The following SGTB variants were observed in gnomAD, a reference collection of about 807,000 sequenced individuals.
SGTB encodes small glutamine rich tetratricopeptide repeat co-chaperone beta, also known as small glutamine-rich tetratricopeptide repeat-containing protein beta.
A neutral mutation model predicts 43.9 loss-of-function variants in SGTB; 19 were observed. The observed-to-expected ratio is 0.43, with a 90% CI of 0.30 to 0.63. SGTB has a LOEUF of 0.63. SGTB is among the 30% of genes least tolerant of loss of function. The pLI is 0.12. For synonymous variants in SGTB, 116 were observed against 117.3 expected, an observed-to-expected ratio of 0.99 and a Z score of 0.07; for missense variants, 304 against 358.9, an observed-to-expected ratio of 0.85 and a Z score of 1.24.
intron 4 of SGTB, among the ~76,000 whole-genome samples, chr5:65,705,267 A>ACC (rs397716523): frequency 0.037 from 5,643 of 151,454 alleles, 156 homozygotes; most frequent in Non-Finnish European, 0.061. Context: ...ATATAGTGGG[A>ACC]CCCCCCCTCA....
chr5:65,716,439 C>G (rs567718482), intron 2 of SGTB, among the ~76,000 whole-genome samples: 2 of 152,168 alleles, frequency 1.3e-5, no homozygotes, highest in Non-Finnish European at 2.9e-5. Flanking sequence ...AGCAGAGAGA[C>G]CAGTTAGAGG....
chr5:65,708,350 C>T, intron 4 of SGTB, 139 bp downstream of exon 4: 1 of 641,564 alleles, frequency 1.6e-6, no homozygotes, highest in Non-Finnish European at 2.6e-6. Context: ...CCATCACATT[C>T]ATTTCTGTTT....
chr5:65,702,686 G>C (rs1429128476), intron 5 of SGTB, among the ~76,000 whole-genome samples: 1 of 152,094 alleles, frequency 6.6e-6, no homozygotes, highest in African/African-American at 2.4e-5. Flanking sequence ...CCTTCCAAAG[G>C]TTCCACCTCC....
At chr5:65,697,488 G>C (rs1318595867) in intron 5 of SGTB, among the ~76,000 whole-genome samples, 1 of 152,084 alleles carries the variant, frequency 6.6e-6, no homozygotes, top group Admixed American at 6.6e-5. Context: ...ATTTGTATCT[G>C]GTTACAACAT....
intron 3 of SGTB, among the ~76,000 whole-genome samples, chr5:65,711,443 G>C (rs1304131454): frequency 1.3e-5 from 2 of 152,124 alleles, no homozygotes; most frequent in Non-Finnish European, 2.9e-5. Flanking sequence ...TAAGAACTGT[G>C]TCAAGCACAG....
intron 10 of SGTB, among the ~76,000 whole-genome samples, chr5:65,671,252 T>C (rs1757148471): frequency 6.6e-6 from 1 of 152,176 alleles, no homozygotes; most frequent in African/African-American, 2.4e-5. Flanking sequence ...TAGCTTTATA[T>C]ATATATGAGA....
intron 5 of SGTB, among the ~76,000 whole-genome samples, chr5:65,698,222 T>A (rs544664923): frequency 6.6e-6 from 1 of 152,280 alleles, no homozygotes; most frequent in South Asian, 2.1e-4. Context: ...CAGTTAAGAT[T>A]TATGCATTTT....
chr5:65,699,751 C>T (rs1757778378), intron 5 of SGTB, among the ~76,000 whole-genome samples: 1 of 152,202 alleles, frequency 6.6e-6, no homozygotes, highest in African/African-American at 2.4e-5. Context: ...AGCCACTGCA[C>T]CCAGCCAACT....
At chr5:65,675,150 C>A (rs988905279) in intron 8 of SGTB, among the ~76,000 whole-genome samples, 3 of 152,216 alleles carry the variant, frequency 2.0e-5, no homozygotes, top group Admixed American at 2.0e-4. Flanking sequence ...AAAGTTACCA[C>A]ATATTGGACC....
rs559830159 is a variant in SGTB, at chr5:65,707,644, A to G, written c.274+845T>C. ...GAGACGGGGTTTCACCGAGTTGGCCAGGATGGTCTTGATCTCCTGACCTTG... is the reference window on the plus strand; with the variant it reads ...GAGACGGGGTTTCACCGAGTTGGCCGGGATGGTCTTGATCTCCTGACCTTG... On this transcript the variant is annotated intron_variant, in intron 4 of 10. Transcript: ENST00000381007. Among the ~76,000 whole-genome samples the G allele has an allele frequency of 1.7e-3, 261 of 152,262 alleles. 1 individual carries two copies. Among genetic ancestry groups the G allele is most frequent in the Non-Finnish European group, 2.7e-3 (187 of 68,016 alleles).
At chr5:65,687,685 G>A (rs1757525661) in intron 5 of SGTB, among the ~76,000 whole-genome samples, 1 of 152,198 alleles carries the variant, frequency 6.6e-6, no homozygotes, top group African/African-American at 2.4e-5. Context: ...GCTTGAAGGA[G>A]AACAGTTCAG....
intron 2 of SGTB, among the ~76,000 whole-genome samples, chr5:65,715,838 T>G (rs185227731): frequency 2.2e-4 from 33 of 152,334 alleles, no homozygotes; most frequent in African/African-American, 6.5e-4. Context: ...GGCGTAATCT[T>G]GGCTCACTGT....
chr5:65,674,405 C>T (rs1757222917), intron 8 of SGTB, among the ~76,000 whole-genome samples: 3 of 152,152 alleles, frequency 2.0e-5, no homozygotes, highest in Admixed American at 1.3e-4. Context: ...CCTTGGTCCA[C>T]AGGAAACACC....
In SGTB at chr5:65,680,478, A is replaced by G. The variant is rs191628330; in HGVS notation, c.681+16T>C. The G allele has an allele frequency of 3.9e-3, 6,272 of 1,613,738 alleles. 23 individuals are homozygous for G. The highest frequency in any genetic ancestry group is 4.9e-3 in the Non-Finnish European group (5,760 of 1,179,846). ...GAAAACATAGCCAGTAGAGGCAGAA[A>G]AGAAAGTATACTCACCATACTAATG... On this transcript the variant is annotated intron_variant, in intron 8 of 10. Transcript: ENST00000381007.
chr5:65,668,955 A>G lies in SGTB; in HGVS notation c.*1291T>C, dbSNP rs1757099404. ...ACTTCCTTTTTCAGTTTTCCCTCGTAAAACTTGTGAAGTCATTACATGTCA... is the reference window on the plus strand; with the variant it reads ...ACTTCCTTTTTCAGTTTTCCCTCGTGAAACTTGTGAAGTCATTACATGTCA... On this transcript the variant is annotated 3_prime_UTR_variant, in exon 11 of 11. Coordinates refer to ENST00000381007, the MANE Select transcript of SGTB (RefSeq NM_019072.3). 6.6e-6 allele frequency: 1 copy of G among 152,134 alleles called. No individual in the cohort carries two copies. Among genetic ancestry groups the G allele is most frequent in the Non-Finnish European group, 1.5e-5 (1 of 68,028 alleles). The allele number at this position is 152,134 out of a possible 1,614,324, so 9.4% of individuals were successfully genotyped here. A position where few individuals can be genotyped will look rare whatever the true frequency, so the allele number is the denominator to read the frequency against.
At chr5:65,712,157 C>G (rs780316612) in intron 3 of SGTB, among the ~76,000 whole-genome samples, 3 of 152,154 alleles carry the variant, frequency 2.0e-5, no homozygotes, top group Non-Finnish European at 4.4e-5. Context: ...GTCCCAGCTA[C>G]TCACGAGTCT....
chr5:65,687,548 G>C (rs973309818), intron 5 of SGTB, among the ~76,000 whole-genome samples: 3 of 152,222 alleles, frequency 2.0e-5, no homozygotes, highest in Non-Finnish European at 2.9e-5. Context: ...GGAGGAATGA[G>C]ACATTGTCTC....
chr5:65,695,474 C>T (rs944193506), intron 5 of SGTB, among the ~76,000 whole-genome samples: 1 of 152,180 alleles, frequency 6.6e-6, no homozygotes, highest in Non-Finnish European at 1.5e-5. Flanking sequence ...ATATTTGAAT[C>T]TTCTGGAAGA....
intron 5 of SGTB, among the ~76,000 whole-genome samples, chr5:65,686,642 A>G (rs1055166664): frequency 6.6e-6 from 1 of 151,942 alleles, no homozygotes; most frequent in African/African-American, 2.4e-5. Context: ...TACAGGCATG[A>G]GCCACCGCAC....
Sources: gnomAD v4.1 joint callset for allele counts (sites outside exome capture counted in the v4.1 genomes callset) on GRCh38, gnomAD v4.1.1 for gene constraint, MANE v1.5 for transcripts, NCBI Gene and HGNC (gene_info 2026-07-23, HGNC 2026-07-21) for gene names.